C12orf42: variants seen among roughly 807,000 people sequenced by gnomAD.
The protein encoded by C12orf42 is uncharacterized protein C12orf42.
A neutral mutation model predicts 21.6 loss-of-function variants in C12orf42; 25 were observed. The observed-to-expected ratio is 1.16, with a 90% CI of 0.84 to 1.62. The LOEUF is 1.62. C12orf42 is among the 40% of genes most tolerant of loss of function. The probability of loss-of-function intolerance (pLI) is 0.00; values close to 1 mark genes in which losing one functional copy is unlikely to be tolerated. For synonymous variants in C12orf42, 174 were observed against 175.0 expected, an observed-to-expected ratio of 0.99 and a Z score of 0.05; for missense variants, 483 against 459.3, an observed-to-expected ratio of 1.05 and a Z score of -0.47.
At chr12:103,560,629 G>A in the C12orf42 span, among the ~76,000 whole-genome samples, 2 of 152,166 alleles carry the variant, frequency 1.3e-5, no homozygotes, top group South Asian at 4.1e-4. Context: ...CCAAAGCAGT[G>A]AAGAAACAGC....
At chr12:103,310,440 T>C (rs2038865408) in intron 4 of C12orf42, among the ~76,000 whole-genome samples, 1 of 152,218 alleles carries the variant, frequency 6.6e-6, no homozygotes, top group Non-Finnish European at 1.5e-5. Flanking sequence ...CAGAAATATG[T>C]ATTTTTATGC....
At chr12:103,299,431 T>G (rs910124748), downstream of C12orf42, among the ~76,000 whole-genome samples, 1 of 152,014 alleles carries the variant, frequency 6.6e-6, no homozygotes, top group African/African-American at 2.4e-5. Flanking sequence ...AATACTTAGT[T>G]TCTTCAGTGC....
chr12:103,297,111 T>C (rs1403153230), downstream of C12orf42, among the ~76,000 whole-genome samples: 1 of 152,260 alleles, frequency 6.6e-6, no homozygotes. Context: ...ATTTGTTAAA[T>C]AGGGAATCTT....
the C12orf42 span, among the ~76,000 whole-genome samples, chr12:103,127,318 C>A: frequency 6.6e-6 from 1 of 152,110 alleles, no homozygotes. Context: ...GATTAAAATG[C>A]AGTGTTCTCT....
At chr12:103,168,499 A>G in the C12orf42 span, among the ~76,000 whole-genome samples, 1 of 152,218 alleles carries the variant, frequency 6.6e-6, no homozygotes, top group Non-Finnish European at 1.5e-5. Context: ...TGCTTTACAT[A>G]GTGAGCTTAC....
At chr12:103,181,509 GAGGT>G in the C12orf42 span, among the ~76,000 whole-genome samples, 4 of 152,220 alleles carry the variant, frequency 2.6e-5, no homozygotes, top group Admixed American at 2.0e-4. Context: ...GACAGAGGTG[GAGGT>G]AGCTTTGGTA....
chr12:103,378,564 G>A (rs1174839941), intron 3 of C12orf42: 2 of 152,202 alleles, frequency 1.3e-5, no homozygotes, highest in African/African-American at 2.4e-5. Flanking sequence ...CTGGTCTCCG[G>A]TCACTGGAGA....
At chr12:103,252,339 T>C (rs1432082653) in intron 10 of C12orf42, among the ~76,000 whole-genome samples, 1 of 152,212 alleles carries the variant, frequency 6.6e-6, no homozygotes, top group Non-Finnish European at 1.5e-5. Context: ...AAATGGTACT[T>C]CTGGTTCTAT....
At chr12:103,485,645 T>C (rs1369999038) in intron 1 of C12orf42, among the ~76,000 whole-genome samples, 1 of 152,156 alleles carries the variant, frequency 6.6e-6, no homozygotes, top group African/African-American at 2.4e-5. Context: ...TCTTTTATTT[T>C]GTTGAGCAGT....
At chr12:103,121,814 T>TCC in the C12orf42 span, among the ~76,000 whole-genome samples, 6 of 152,238 alleles carry the variant, frequency 3.9e-5, no homozygotes, top group Non-Finnish European at 8.8e-5. Context: ...TCACTGTATT[T>TCC]TGTTACCTAA....
chr12:103,053,089 A>T, the C12orf42 span, among the ~76,000 whole-genome samples: 1 of 151,978 alleles, frequency 6.6e-6, no homozygotes, highest in Non-Finnish European at 1.5e-5. Flanking sequence ...CCTCACTGTG[A>T]TGTTATTCTA....
intron 3 of C12orf42, among the ~76,000 whole-genome samples, chr12:103,389,001 T>C (rs185044429): frequency 2.9e-3 from 448 of 152,328 alleles, no homozygotes; most frequent in Middle Eastern, 0.01. Flanking sequence ...GGGTTGAGTT[T>C]AGCCCATGGT....
the C12orf42 span, among the ~76,000 whole-genome samples, chr12:103,520,351 C>G: frequency 8.2e-4 from 124 of 152,118 alleles, no homozygotes; most frequent in African/African-American, 2.9e-3. Context: ...CTAAATGTAA[C>G]CTTATAATAT....
chr12:103,089,075 C>A, the C12orf42 span, among the ~76,000 whole-genome samples: 10 of 124,868 alleles, frequency 8.0e-5, no homozygotes, highest in Admixed American at 1.0e-3. Flanking sequence ...GCACTCCAGC[C>A]TGGACGACAG....
intron 10 of C12orf42, among the ~76,000 whole-genome samples, chr12:103,254,787 T>C (rs907993104): frequency 6.6e-6 from 1 of 152,012 alleles, no homozygotes; most frequent in Non-Finnish European, 1.5e-5. Flanking sequence ...AGGGAGACCA[T>C]CAGGAAAAAT....
chr12:103,068,957 A>C, the C12orf42 span, among the ~76,000 whole-genome samples: 2 of 73,128 alleles, frequency 2.7e-5, no homozygotes, highest in Non-Finnish European at 5.4e-5. Flanking sequence ...ATATATATAT[A>C]TATATATATA....
intron 4 of C12orf42, among the ~76,000 whole-genome samples, chr12:103,325,464 T>C (rs1299313038): frequency 6.6e-6 from 1 of 152,236 alleles, no homozygotes; most frequent in East Asian, 1.9e-4. Context: ...AGACTGCTTT[T>C]GGCCACTTTA....
chr12:103,169,201 A>C, the C12orf42 span, among the ~76,000 whole-genome samples: 2 of 144,240 alleles, frequency 1.4e-5, no homozygotes, highest in African/African-American at 5.2e-5. Context: ...AATAAATAAA[A>C]TAAAGATTAG....
chr12:103,494,741 A>T (rs1450428051), intron 1 of C12orf42, among the ~76,000 whole-genome samples: 1 of 152,174 alleles, frequency 6.6e-6, no homozygotes, highest in African/African-American at 2.4e-5. Context: ...TTAGTATTAA[A>T]ATTGTGAATA....
Sources: allele counts gnomAD v4.1 joint callset (sites outside exome capture counted in the v4.1 genomes callset), GRCh38; gene constraint gnomAD v4.1.1; transcripts MANE v1.5; gene names NCBI Gene and HGNC (gene_info 2026-07-23, HGNC 2026-07-21).